FAM222B: variants seen among roughly 807,000 people sequenced by gnomAD.
FAM222B encodes protein FAM222B.
A neutral mutation model predicts 38.0 loss-of-function variants in FAM222B; 12 were observed. The ratio of observed to expected loss-of-function variants is 0.32; its 90% confidence interval spans 0.20 to 0.51. The LOEUF is 0.51. FAM222B is among the 20% of genes least tolerant of loss of function. FAM222B has a pLI of 0.97. For missense variants in FAM222B, 716 were observed against 754.2 expected (o/e 0.95, Z 0.59); for synonymous variants, 329 against 317.2 (o/e 1.04, Z -0.40).
At chr17:28,763,236 T>C (rs918554259) in intron 2 of FAM222B, among the ~76,000 whole-genome samples, 3 of 152,226 alleles carry the variant, frequency 2.0e-5, no homozygotes, top group Non-Finnish European at 2.9e-5. Context: ...AGGGATGAAT[T>C]CTGCTCTCCT....
upstream of FAM222B, among the ~76,000 whole-genome samples, chr17:28,844,285 C>T (rs997735984): frequency 6.6e-6 from 1 of 151,940 alleles, no homozygotes; most frequent in African/African-American, 2.4e-5. Flanking sequence ...AGAGTTTGGA[C>T]ACATAAGGCC....
chr17:28,765,500 C>CT lies in FAM222B; in HGVS notation c.82+1085dup, dbSNP rs528232384. Among the ~76,000 whole-genome samples the CT allele has an allele frequency of 1.8e-4, 28 of 152,296 alleles. No individual in the cohort carries two copies. In the South Asian group the frequency reaches 5.4e-3, roughly 29 times the overall value. On this transcript the variant is annotated intron_variant, in intron 2 of 2. Coordinates refer to ENST00000581407, the MANE Select transcript of FAM222B (RefSeq NM_001077498.3). ...TGTCATAAGGGGTTCAGTTAAGGTG[C>CT]TGAAGCACCTTTCCTATCAAAGGGA...
In FAM222B at chr17:28,758,331, T is replaced by C. The variant is rs534595595; in HGVS notation, c.1628A>G (p.Asn543Ser). ...MLSKAHRAPG[N>S]RAPDPTESRS... ...ACTCTCTGTGGGATCGGGGGCTCGG[T>C]TGCCAGGGGCTCGGTGGGCCTTGCT... The change falls in exon 3 of 3, where the codon AAC (asparagine) becomes AGC (serine). Residue 543 changes from asparagine (N) to serine (S), a missense_variant. Transcript: ENST00000581407. 3.0e-5 allele frequency: 48 copies of C among 1,611,234 alleles called. No individual in the cohort carries two copies. Among genetic ancestry groups the C allele is most frequent in the Non-Finnish European group, 3.8e-5 (45 of 1,178,846 alleles).
At chr17:28,806,085 G>C (rs1369634728) in intron 1 of FAM222B, among the ~76,000 whole-genome samples, 1 of 151,910 alleles carries the variant, frequency 6.6e-6, no homozygotes, top group African/African-American at 2.4e-5. Flanking sequence ...CTGGGAGGTG[G>C]ACATTGCAGT....
intron 1 of FAM222B, among the ~76,000 whole-genome samples, chr17:28,778,036 G>A (rs572309399): frequency 6.8e-6 from 1 of 147,888 alleles, no homozygotes; most frequent in Non-Finnish European, 1.5e-5. Context: ...TTTAAGCCTG[G>A]GCACTACTTC....
rs777834463 is a variant in FAM222B, at chr17:28,759,698, G to A, written c.261C>T (p.Arg87=). The A allele has an allele frequency of 6.2e-7, 1 of 1,613,788 alleles. No homozygotes were observed. The highest frequency in any genetic ancestry group is 8.5e-7 in the Non-Finnish European group (1 of 1,179,802). Residue 87 remains arginine (R), a synonymous_variant, in exon 3 of 3, where the codon CGC becomes CGT. Coordinates refer to ENST00000581407, the MANE Select transcript of FAM222B (RefSeq NM_001077498.3). The surrounding 1 kb of genome is among the most constrained non-coding windows in gnomAD (Gnocchi z 4.8). Reference sequence around the variant, plus strand: ...CAGCCTGTGTCGGGTAGGGGCTGTAGCGCTGGGCTGATGTGTCGAGGCCGT... The same window carrying A: ...CAGCCTGTGTCGGGTAGGGGCTGTAACGCTGGGCTGATGTGTCGAGGCCGT... ...TVNGLDTSAQ[R]YSPYPTQAAT... is the part of the protein sequence containing the mutation.
At chr17:28,781,866 G>C (rs1289508722) in intron 1 of FAM222B, among the ~76,000 whole-genome samples, 3 of 152,114 alleles carry the variant, frequency 2.0e-5, no homozygotes, top group African/African-American at 7.2e-5. Context: ...GGCTGAAGAG[G>C]GGTGACTGGG....
intron 1 of FAM222B, among the ~76,000 whole-genome samples, chr17:28,809,473 T>C (rs962306212): frequency 6.6e-6 from 1 of 152,120 alleles, no homozygotes; most frequent in Non-Finnish European, 1.5e-5. Flanking sequence ...CCCCTCAACC[T>C]AAGAGATTAT....
chr17:28,795,422 A>C (rs1247284798), intron 1 of FAM222B, among the ~76,000 whole-genome samples: 1 of 152,080 alleles, frequency 6.6e-6, no homozygotes, highest in East Asian at 1.9e-4. Context: ...TTACAGGTGT[A>C]AGCCACCGCA....
rs765004217 is a variant in FAM222B at position 28,758,900 on chromosome 17, G to A, written c.1059C>T (p.Pro353=). 8 of 1,609,276 alleles carry A rather than the reference G, an allele frequency of 5.0e-6. No homozygotes were observed. The highest frequency in any genetic ancestry group is 6.8e-6 in the Non-Finnish European group (8 of 1,178,268). ...VNLPTGISRV[P]TGYPSDLKPV... ...GCTTGAGGTCGCTAGGGTAGCCAGT[G>A]GGGACGCGAGAGATGCCTGTGGGCA... The change falls in exon 3 of 3, where the codon CCC becomes CCT. Residue 353 remains proline (P), a synonymous_variant. Coordinates refer to ENST00000581407, the MANE Select transcript of FAM222B (RefSeq NM_001077498.3).
At chr17:28,790,898 TTTTTTTTTTTTTTTTTTA>T (rs1567838966) in intron 1 of FAM222B, among the ~76,000 whole-genome samples, 23 of 116,680 alleles carry the variant, frequency 2.0e-4, no homozygotes, top group African/African-American at 7.4e-4. Flanking sequence ...TTTTTTTTTT[TTTTTTTTTTTTTTTTTTA>T]GAGACAGAAT....
At chr17:28,853,407 G>A (rs2039197151) in intron 1 of FAM222B, among the ~76,000 whole-genome samples, 1 of 151,686 alleles carries the variant, frequency 6.6e-6, no homozygotes, top group Admixed American at 6.6e-5. Context: ...GAGAAATTGA[G>A]GATAGCCAGA....
rs767143093 is a variant in FAM222B at position 28,758,605 on chromosome 17, G to A, written c.1354C>T (p.Pro452Ser). 2.9e-5 allele frequency: 46 copies of A among 1,611,110 alleles called. No individual in the cohort carries two copies. Among genetic ancestry groups the A allele is most frequent in the Non-Finnish European group, 3.6e-5 (43 of 1,179,880 alleles). Residue 452 changes from proline (P) to serine (S), a missense_variant, in exon 3 of 3, where the codon CCC (proline) becomes TCC (serine). Pro to Ser is a moderately conservative substitution (Grantham distance 74, BLOSUM62 -1). Coordinates refer to ENST00000581407, the MANE Select transcript of FAM222B (RefSeq NM_001077498.3). ...LAYPNGHYFQ[P>S]LWNNILPTPN... ...GTGGGCAGAATGTTGTTCCACAGGGGTTGGAAGTAGTGACCATTGGGGTAG... is the reference window on the plus strand; with the variant it reads ...GTGGGCAGAATGTTGTTCCACAGGGATTGGAAGTAGTGACCATTGGGGTAG...
chr17:28,780,841 C>G (rs114597547), intron 1 of FAM222B, among the ~76,000 whole-genome samples: 8,606 of 151,724 alleles, frequency 0.057, 323 homozygotes, highest in Middle Eastern at 0.11. Context: ...GAGATCGCAC[C>G]ATTGGACTCC....
At chr17:28,819,369 T>G (rs891641905) in intron 1 of FAM222B, among the ~76,000 whole-genome samples, 2 of 152,128 alleles carry the variant, frequency 1.3e-5, no homozygotes, top group African/African-American at 4.8e-5. Context: ...GAATATGAGA[T>G]AGTAAATCAC....
chr17:28,766,452 C>A lies in FAM222B; in HGVS notation c.82+134G>T, dbSNP rs8070474. 4.7e-4 allele frequency: 332 copies of A among 702,370 alleles called. 1 individual carries two copies. The highest frequency in any genetic ancestry group is 7.5e-4 in the Non-Finnish European group (321 of 430,124). 43.5% of individuals were successfully genotyped at this position (702,370 alleles called of 1,614,324 possible). On this transcript the variant is annotated intron_variant, in intron 2 of 2. Coordinates refer to ENST00000581407, the MANE Select transcript of FAM222B (RefSeq NM_001077498.3). ...AGCCTGGGTGACAAGAGCAAGACTT[C>A]GTCTTAAAAAAAAAAAAAAAAGAAA...
At chr17:28,794,641 G>T (rs1306476935) in intron 1 of FAM222B, among the ~76,000 whole-genome samples, 1 of 151,872 alleles carries the variant, frequency 6.6e-6, no homozygotes, top group Non-Finnish European at 1.5e-5. Flanking sequence ...CACTTTTCAG[G>T]GTAACCTTCA....
intron 1 of FAM222B, among the ~76,000 whole-genome samples, chr17:28,804,962 C>A (rs1475714491): frequency 6.6e-6 from 1 of 151,702 alleles, no homozygotes; most frequent in African/African-American, 2.4e-5. Context: ...GGGGGAATGG[C>A]GTGAACCCCA....
upstream of FAM222B, among the ~76,000 whole-genome samples, chr17:28,847,775 G>A (rs539355465): frequency 1.3e-3 from 198 of 151,520 alleles, 2 homozygotes; most frequent in Admixed American, 2.2e-3. Flanking sequence ...TGAGCCGGGC[G>A]CCATGGCGGG....
Sources: allele counts gnomAD v4.1 joint callset (sites outside exome capture counted in the v4.1 genomes callset), GRCh38; gene constraint gnomAD v4.1.1; non-coding constraint Gnocchi (gnomAD v3.1); transcripts MANE v1.5; gene names NCBI Gene and HGNC (gene_info 2026-07-23, HGNC 2026-07-21).